Variants in PUS7L observed in about 807,000 individuals in gnomAD.
PUS7L encodes pseudouridylate synthase PUS7L.
A neutral mutation model predicts 51.1 loss-of-function variants in PUS7L; 49 were observed. The ratio of observed to expected loss-of-function variants is 0.96; its 90% CI spans 0.76 to 1.22. The LOEUF is 1.22. PUS7L is among the 50% of genes most tolerant of loss of function. The pLI, the probability that PUS7L is intolerant of heterozygous loss-of-function variation, is 0.00. For missense variants in PUS7L, 828 were observed against 820.6 expected (o/e 1.01, Z -0.11); for synonymous variants, 277 against 276.2 (o/e 1.00, Z -0.03).
intron 4 of PUS7L, among the ~76,000 whole-genome samples, chr12:43,744,567 G>A (rs149061210): frequency 0.014 from 2,090 of 152,228 alleles, 46 homozygotes; most frequent in African/African-American, 0.047. Flanking sequence ...GCCCAGTCTC[G>A]GGTATTTCTT....
chr12:43,730,431 T>A lies in PUS7L; in HGVS notation c.2051A>T (p.Asp684Val). ...ACAAACGGTAGCATAGCATGAAGCA[T>A]CAAGATCAAAAGAGATCAAAAGAGA... ...ALSLLISFDL[D>V]ASCYATVCLK... The change falls in exon 9 of 9, where the codon GAT becomes GTT. Residue 684 changes from aspartate (D) to valine (V), a missense_variant. Physicochemically the swap from Asp to Val is radical, Grantham distance 152 (BLOSUM62 -3). Coordinates refer to ENST00000344862, the MANE Select transcript of PUS7L (RefSeq NM_031292.5). 6.2e-7 allele frequency: 1 copy of A among 1,613,836 alleles called. No homozygotes were observed. Among genetic ancestry groups the A allele is most frequent in the Non-Finnish European group, 8.5e-7 (1 of 1,179,828 alleles).
At chr12:43,750,558 T>C (rs1023934017) in intron 2 of PUS7L, among the ~76,000 whole-genome samples, 9 of 152,194 alleles carry the variant, frequency 5.9e-5, no homozygotes, top group African/African-American at 2.2e-4. Context: ...CAAAGTCAAT[T>C]ACACTGAATT....
intron 7 of PUS7L, among the ~76,000 whole-genome samples, chr12:43,735,356 A>G (rs1160932004): frequency 6.6e-6 from 1 of 151,114 alleles, no homozygotes; most frequent in African/African-American, 2.4e-5. Flanking sequence ...AAATAAATAA[A>G]TAAAAATAAA....
chr12:43,731,657 A>C, intron 8 of PUS7L, 48 bp downstream of exon 8: 1 of 1,074,226 alleles, frequency 9.3e-7, no homozygotes, highest in Non-Finnish European at 1.4e-6. Context: ...TTTTGGGGAC[A>C]ATGTCTACAC....
chr12:43,754,255 C>T, intron 2 of PUS7L, 81 bp downstream of exon 2: 1 of 977,726 alleles, frequency 1.0e-6, no homozygotes. Context: ...ATCTCTCTAG[C>T]CAAGTCTGTT....
Position 43,748,616 on chromosome 12 carries a change from CA to C in PUS7L, c.911-8del, listed in dbSNP as rs750552126. 1.7e-3 allele frequency: 2,430 copies of C among 1,395,540 alleles called. No homozygotes were observed. The highest frequency in any genetic ancestry group is 2.0e-3 in the Non-Finnish European group (2,060 of 1,042,544). 86.4% of individuals were successfully genotyped at this position (1,395,540 alleles called of 1,614,324 possible). ...TCCTTTCGTAGGGTAAAAGCTGAAA[CA>C]AAAAAAAAACTTAGATCACAAAAAA... On this transcript the variant is annotated splice_region_variant and splice_polypyrimidine_tract_variant and intron_variant, in intron 2 of 8. Transcript: ENST00000344862.
At chr12:43,748,384 A>G (rs1022926619) in intron 3 of PUS7L, 66 bp downstream of exon 3, 2 of 1,181,696 alleles carry the variant, frequency 1.7e-6, no homozygotes, top group Non-Finnish European at 2.4e-6. Flanking sequence ...TTTAGAAACC[A>G]TTTAGACAAT....
intron 7 of PUS7L, 125 bp downstream of exon 7, chr12:43,736,256 T>C: frequency 2.5e-6 from 2 of 815,996 alleles, no homozygotes; most frequent in Non-Finnish European, 3.8e-6. Flanking sequence ...GATGAGTAAA[T>C]ATAAGTACAA....
At position 43,754,433 on chromosome 12, in the gene PUS7L, A is replaced by G. The variant is rs1449854701; in HGVS notation, c.813T>C (p.Asn271=). The part of the protein sequence containing the change: ...SFSKMNCSAG[N]PNVVVTVRFR... ...ATCTTACTGTTACCACCACATTCGGATTACCAGCACTGCAATTCATTTTAG... is the reference window on the plus strand; with the variant it reads ...ATCTTACTGTTACCACCACATTCGGGTTACCAGCACTGCAATTCATTTTAG... The change falls in exon 2 of 9, where the codon AAT becomes AAC. Residue 271 remains asparagine, a synonymous_variant. Coordinates refer to ENST00000344862, the MANE Select transcript of PUS7L (RefSeq NM_031292.5). 1 of 1,613,730 alleles carries G rather than the reference A, an allele frequency of 6.2e-7. No individual in the cohort carries two copies. The highest frequency in any genetic ancestry group is 2.2e-5 in the East Asian group (1 of 44,882).
Position 43,720,101 on chromosome 12 carries a change from G to A in PUS7L, c.*10275C>T, listed in dbSNP as rs1187888935. The A allele has an allele frequency of 2.0e-5, 3 of 152,104 alleles. No homozygotes were observed. The highest frequency in any genetic ancestry group is 4.4e-5 in the Non-Finnish European group (3 of 68,030). 9.4% of individuals were successfully genotyped at this position (152,104 alleles called of 1,614,324 possible). ...TGAATATAATCTCCCTCTACATGCTGCTTTAAGTGCATCCCACAAGTTTTG... is the reference window on the plus strand; with the variant it reads ...TGAATATAATCTCCCTCTACATGCTACTTTAAGTGCATCCCACAAGTTTTG... On this transcript the variant is annotated 3_prime_UTR_variant, in exon 9 of 9. Coordinates refer to ENST00000344862, the MANE Select transcript of PUS7L (RefSeq NM_031292.5).
chr12:43,738,849 A>C (rs548502017), intron 5 of PUS7L: 8 of 309,882 alleles, frequency 2.6e-5, no homozygotes, highest in African/African-American at 1.1e-4. Flanking sequence ...CCACCAGAAG[A>C]AGCACCAAGA....
chr12:43,729,219 A>G lies in PUS7L; in HGVS notation c.*1157T>C. On this transcript the variant is annotated 3_prime_UTR_variant, in exon 9 of 9. Transcript: ENST00000344862. ...AGTGTCTGTATATGAAAATATTGCA[A>G]TAAGCAAATTTTGCATTGCATATAG... is the stretch of plus-strand genomic sequence containing the variant. 5.0e-6 allele frequency: 2 copies of G among 398,016 alleles called. No individual in the cohort carries two copies. Among genetic ancestry groups the G allele is most frequent in the Admixed American group, 8.8e-5 (2 of 22,728 alleles). 24.7% of individuals were successfully genotyped at this position (398,016 alleles called of 1,614,324 possible).
rs779642059 is a variant in PUS7L, at chr12:43,736,657, A to T, written c.1449T>A (p.Asp483Glu). The change falls in exon 7 of 9, where the codon GAT becomes GAA. Residue 483 changes from aspartate to glutamate, a missense_variant. By Grantham distance (45) the Asp-to-Glu change is conservative (BLOSUM62 2). Coordinates refer to ENST00000344862, the MANE Select transcript of PUS7L (RefSeq NM_031292.5). ...GCATCAATGAAAGTGTGCCTTTAGC[A>T]TCCTCTGAAACAAAGGGTAAATCAG... ...RAKKYFLQTEDAKGTLSLMPE... is the reference protein window; with the variant it reads ...RAKKYFLQTEEAKGTLSLMPE... The T allele has an allele frequency of 6.2e-7, 1 of 1,612,972 alleles. No individual in the cohort carries two copies. Among genetic ancestry groups the T allele is most frequent in the East Asian group, 2.2e-5 (1 of 44,862 alleles).
chr12:43,734,687 G>C (rs929082532), intron 7 of PUS7L, among the ~76,000 whole-genome samples: 2 of 152,098 alleles, frequency 1.3e-5, no homozygotes, highest in Non-Finnish European at 2.9e-5. Flanking sequence ...AGACCCAACA[G>C]GGCTAGGAGT....
Position 43,731,757 on chromosome 12 carries a change from A to C in PUS7L, c.1727T>G (p.Ile576Ser). 1 of 1,563,570 alleles carries C rather than the reference A, an allele frequency of 6.4e-7. No individual in the cohort carries two copies. Among genetic ancestry groups the C allele is most frequent in the South Asian group, 1.1e-5 (1 of 87,008 alleles). The change falls in exon 8 of 9, where the codon ATT becomes AGT. Residue 576 changes from isoleucine (I) to serine (S), a missense_variant and splice_region_variant. Transcript: ENST00000344862. The stretch of plus-strand genomic sequence containing the variant: ...TCCCTCCTCTTCAGTTACCAGGTGA[A>C]TCTAGTTTTAAAAAACATGAAAATA... ...IDDENFPNSKIHLVTEEEGSA... is the reference protein window; with the variant it reads ...IDDENFPNSKSHLVTEEEGSA...
intron 2 of PUS7L, 58 bp downstream of exon 2, chr12:43,754,278 A>G: frequency 3.3e-6 from 4 of 1,201,592 alleles, no homozygotes; most frequent in Non-Finnish European, 4.7e-6. Flanking sequence ...ATTCATTTTC[A>G]CAATTTTAAA....
rs535286656 is a variant in PUS7L, at chr12:43,725,633, C to T, written c.*4743G>A. 3.3e-5 allele frequency: 5 copies of T among 151,348 alleles called. No individual in the cohort carries two copies. Among genetic ancestry groups the T allele is most frequent in the East Asian group, 3.9e-4 (2 of 5,144 alleles). The allele number at this position is 151,348 out of a possible 1,614,324, so 9.4% of individuals were successfully genotyped here. On this transcript the variant is annotated 3_prime_UTR_variant, in exon 9 of 9. Coordinates refer to ENST00000344862, the MANE Select transcript of PUS7L (RefSeq NM_031292.5). ...TGAACTCCTGACCTCGTGATCCACT[C>T]GTCTTGGCCTCCCCAAAGTGTTGGG...
chr12:43,738,052 A>T, intron 6 of PUS7L: 1 of 320,700 alleles, frequency 3.1e-6, no homozygotes, highest in Non-Finnish European at 5.7e-6. Flanking sequence ...AGAGGATTTC[A>T]GCCAAGAAAA....
At chr12:43,753,064 A>G (rs1938533331) in intron 2 of PUS7L, among the ~76,000 whole-genome samples, 1 of 152,180 alleles carries the variant, frequency 6.6e-6, no homozygotes, top group African/African-American at 2.4e-5. Context: ...TTCAAGTAGT[A>G]TAAGATAAAT....
Sources: gnomAD v4.1 joint callset for allele counts (sites outside exome capture counted in the v4.1 genomes callset) on GRCh38, gnomAD v4.1.1 for gene constraint, MANE v1.5 for transcripts, NCBI Gene and HGNC (gene_info 2026-07-23, HGNC 2026-07-21) for gene names.